Variants in IFT74 observed in about 807,000 individuals in gnomAD.
IFT74 encodes the protein intraflagellar transport 74, also known as intraflagellar transport protein 74 homolog.
In IFT74, 92 loss-of-function variants were observed where a neutral mutation model predicts 96.7. The ratio of observed to expected loss-of-function variants is 0.95; its 90% CI spans 0.80 to 1.13. The LOEUF is 1.13. Among genes scored for constraint, IFT74 ranks in the 50% most tolerant of loss-of-function variants. The pLI, the probability that IFT74 is intolerant of heterozygous loss-of-function variation, is 0.00. For synonymous variants in IFT74, 223 were observed against 213.2 expected, an observed-to-expected ratio of 1.05 and a Z score of -0.40; for missense variants, 811 against 698.2, an observed-to-expected ratio of 1.16 and a Z score of -1.82.
rs150949398 is a variant in IFT74 at position 26,950,671 on chromosome 9, T to G, written c.-20+3525T>G. On this transcript the variant is annotated intron_variant, in intron 1 of 19. Transcript: ENST00000433700. ...TAGTTATAATTCTGCAAAGGTAGTT[T>G]AAGTGCCCCTAGATGGAGTTTCACC... Among the ~76,000 whole-genome samples, 333 of 152,364 alleles carry G rather than the reference T, an allele frequency of 2.2e-3. 2 individuals carry two copies. The highest frequency in any genetic ancestry group is 7.7e-3 in the African/African-American group (322 of 41,588).
chr9:27,006,016 G>A (rs111799041), intron 8 of IFT74, among the ~76,000 whole-genome samples: 1 of 151,826 alleles, frequency 6.6e-6, no homozygotes, highest in Non-Finnish European at 1.5e-5. Context: ...GCTAATTTTT[G>A]TATTTTTAGT....
intron 1 of IFT74, among the ~76,000 whole-genome samples, chr9:26,951,040 C>T (rs1825916090): frequency 6.6e-6 from 1 of 152,168 alleles, no homozygotes; most frequent in Admixed American, 6.5e-5. Context: ...GATCCCCCTC[C>T]CATATGCCTG....
At chr9:26,992,138 A>T (rs1258791706) in intron 8 of IFT74, among the ~76,000 whole-genome samples, 1 of 152,176 alleles carries the variant, frequency 6.6e-6, no homozygotes, top group Non-Finnish European at 1.5e-5. Flanking sequence ...TCTCAAAGTT[A>T]TATAATACCT....
intron 2 of IFT74, among the ~76,000 whole-genome samples, chr9:26,975,288 G>T (rs751180121): frequency 2.0e-5 from 3 of 152,068 alleles, no homozygotes; most frequent in Non-Finnish European, 4.4e-5. Flanking sequence ...GGTTTTTAAA[G>T]GGTAAAGGAG....
intron 18 of IFT74, among the ~76,000 whole-genome samples, 185 bp from the exon 19 acceptor site, chr9:27,060,406 T>G (rs945542648): frequency 6.6e-6 from 1 of 151,858 alleles, no homozygotes; most frequent in Admixed American, 6.5e-5. Flanking sequence ...TGTTATAGGA[T>G]TCATCACTGT....
At position 27,065,441 on chromosome 9, in the gene IFT74, C is replaced by G. The variant is rs1345380971; in HGVS notation, c.*2705C>G. The stretch of plus-strand genomic sequence containing the variant: ...AAGTCACATGGAAAGAAGCTGCAGA[C>G]TGAACAAACATGCTGAGCAGTTTTA... On this transcript the variant is annotated 3_prime_UTR_variant, in exon 20 of 20. Coordinates refer to ENST00000380062, the MANE Select transcript of IFT74 (RefSeq NM_025103.4). 6.6e-6 allele frequency among the ~76,000 whole-genome samples: 1 copy of G among 152,178 alleles called. No individual in the cohort carries two copies. Among genetic ancestry groups the G allele is most frequent in the Non-Finnish European group, 1.5e-5 (1 of 68,032 alleles).
At chr9:27,059,068 GA>G (rs982144503) in intron 18 of IFT74, among the ~76,000 whole-genome samples, 1 of 152,158 alleles carries the variant, frequency 6.6e-6, no homozygotes, top group Non-Finnish European at 1.5e-5. Flanking sequence ...GAAAGCACTT[GA>G]AAAACACCAT....
intron 1 of IFT74, among the ~76,000 whole-genome samples, chr9:26,958,841 G>A (rs1347016666): frequency 6.6e-6 from 1 of 152,040 alleles, no homozygotes; most frequent in Non-Finnish European, 1.5e-5. Context: ...TTTAGAGAGA[G>A]AAAAGAAAAA....
chr9:26,989,337 C>T (rs936677748), intron 7 of IFT74, among the ~76,000 whole-genome samples: 1 of 152,022 alleles, frequency 6.6e-6, no homozygotes, highest in Non-Finnish European at 1.5e-5. Flanking sequence ...TGCAACAAAC[C>T]TGCACATGTA....
At chr9:26,956,101 A>G (rs569517325), upstream of IFT74, 2 of 151,958 alleles carry the variant, frequency 1.3e-5, no homozygotes, top group South Asian at 4.1e-4. Context: ...GTAACCTGTT[A>G]ACAACGTTAG....
chr9:26,957,445 C>T (rs1203379123), intron 1 of IFT74, among the ~76,000 whole-genome samples: 2 of 152,136 alleles, frequency 1.3e-5, no homozygotes, highest in African/African-American at 4.8e-5. Flanking sequence ...TTCCTTTTTC[C>T]ATTTGAAATT....
chr9:27,001,035 A>G lies in IFT74; in HGVS notation c.588-7985A>G, dbSNP rs1587325994. Among the ~76,000 whole-genome samples the G allele has an allele frequency of 5.3e-5, 8 of 152,216 alleles. No individual in the cohort carries two copies. The South Asian group carries it at 1.7e-3, about 32-fold the overall frequency. On this transcript the variant is annotated intron_variant, in intron 8 of 19. Coordinates refer to ENST00000380062, the MANE Select transcript of IFT74 (RefSeq NM_025103.4). ...TGAGGTCCACTTTTTTAGCTCCCACATGCCGGTGAGAATGTGTGATATTTG... is the reference window on the plus strand; with the variant it reads ...TGAGGTCCACTTTTTTAGCTCCCACGTGCCGGTGAGAATGTGTGATATTTG...
chr9:26,992,479 G>T (rs748440567), intron 8 of IFT74, among the ~76,000 whole-genome samples: 6 of 152,036 alleles, frequency 3.9e-5, no homozygotes, highest in Non-Finnish European at 7.4e-5. Context: ...GATCACCTGA[G>T]GTCAGGAGTT....
At chr9:26,997,916 A>ATTG in intron 8 of IFT74, 2 of 1,614,076 alleles carry the variant, frequency 1.2e-6, no homozygotes, top group Non-Finnish European at 1.7e-6. Context: ...ATCAGCATTC[A>ATTG]GTTGTTCTAT....
intron 2 of IFT74, among the ~76,000 whole-genome samples, chr9:26,966,833 G>C (rs1198764084): frequency 6.6e-6 from 1 of 151,842 alleles, no homozygotes; most frequent in East Asian, 1.9e-4. Context: ...ATTTTGATTT[G>C]ATTCTTGTAT....
chr9:27,056,013 A>G (rs1415776776), intron 17 of IFT74, among the ~76,000 whole-genome samples: 1 of 152,124 alleles, frequency 6.6e-6, no homozygotes, highest in African/African-American at 2.4e-5. Flanking sequence ...ATTTCAGCAG[A>G]TGTGAGCTTT....
intron 2 of IFT74, among the ~76,000 whole-genome samples, chr9:26,976,114 A>G (rs941650978): frequency 3.3e-5 from 5 of 152,010 alleles, no homozygotes; most frequent in African/African-American, 9.7e-5. Context: ...TCCTTTCCCC[A>G]TTGCTGAGAG....
intron 12 of IFT74, among the ~76,000 whole-genome samples, chr9:27,023,982 G>A (rs1829733020): frequency 6.6e-6 from 1 of 152,112 alleles, no homozygotes; most frequent in African/African-American, 2.4e-5. Flanking sequence ...GTGACCTTAG[G>A]GCAAGCTTGT....
intron 3 of IFT74, among the ~76,000 whole-genome samples, chr9:26,979,479 T>A (rs59478807): frequency 6.6e-6 from 1 of 152,036 alleles, no homozygotes; most frequent in African/African-American, 2.4e-5. Context: ...ACAAGTATAC[T>A]TCAAAGCCTT....
Sources: gnomAD v4.1 joint callset for allele counts (sites outside exome capture counted in the v4.1 genomes callset) on GRCh38, gnomAD v4.1.1 for gene constraint, MANE v1.5 for transcripts, NCBI Gene and HGNC (gene_info 2026-07-23, HGNC 2026-07-21) for gene names.